The following TACC2 variants were observed in gnomAD, a reference collection of about 807,000 sequenced individuals.
TACC2 encodes transforming acidic coiled-coil-containing protein 2.
TACC2 carries 137 observed loss-of-function variants against 227.3 expected under a neutral mutation model. That is an observed-to-expected ratio of 0.60 (90% CI 0.52 to 0.69). TACC2 has a LOEUF of 0.69. Ranked by LOEUF, TACC2 falls within the 30% of genes least tolerant of loss-of-function variation. TACC2 has a pLI of 0.00. For synonymous variants in TACC2, 1,523 were observed against 1,487.5 expected (o/e 1.02, Z -0.55); for missense variants, 3,470 against 3,694.4 (o/e 0.94, Z 1.57).
At position 121,989,753 on chromosome 10, in the gene TACC2, TA is replaced by T. The variant is rs747007509; in HGVS notation, c.-46+266del. Among the ~76,000 whole-genome samples, 874 of 104,846 alleles carry T rather than the reference TA, an allele frequency of 8.3e-3. 10 individuals carry two copies. Among genetic ancestry groups the T allele is most frequent in the African/African-American group, 0.023 (769 of 33,878 alleles). 68.8% of individuals were successfully genotyped at this position (104,846 alleles called of 152,430 possible). A position where few individuals can be genotyped will look rare whatever the true frequency, so the allele number is the denominator to read the frequency against. ...TTATTTTTATTTTTTAAATTAATTT[TA>T]TTTTTTTTTTTTATGTTTTTAGAGA... On this transcript the variant is annotated intron_variant, in intron 1 of 22. Transcript: ENST00000369005.
In TACC2 at chr10:122,087,028, C is replaced by G. The variant is rs763323058; in HGVS notation, c.4528C>G (p.Pro1510Ala). The G allele has an allele frequency of 2.5e-6, 4 of 1,613,842 alleles. No individual in the cohort carries two copies. The South Asian group carries it at 3.3e-5, about 13-fold the overall frequency. ...AGGGCTGACCTGGGAGCGGAACTTG[C>G]CAGGTGCCGGTGTGGGGAAGGAGAT... ...PAGLTWERNL[P>A]GAGVGKEMAG... Residue 1510 changes from proline (P) to alanine (A), a missense_variant, in exon 4 of 23, where the codon CCA (proline) becomes GCA (alanine). By Grantham distance (27) the Pro-to-Ala change is conservative (BLOSUM62 -1). Coordinates refer to ENST00000369005, the MANE Select transcript of TACC2 (RefSeq NM_206862.4).
intron 6 of TACC2, among the ~76,000 whole-genome samples, chr10:122,135,585 G>T (rs2138975334): frequency 6.6e-6 from 1 of 152,254 alleles, no homozygotes; most frequent in Middle Eastern, 3.4e-3. Flanking sequence ...TGGTGGAAAA[G>T]AGATAGTTCT....
intron 18 of TACC2, among the ~76,000 whole-genome samples, chr10:122,240,954 A>G (rs1256157325): frequency 6.6e-6 from 1 of 152,092 alleles, no homozygotes; most frequent in Admixed American, 6.6e-5. Flanking sequence ...AGGAGATGAG[A>G]TTTGTGTTCA....
At chr10:122,199,137 G>T (rs372514665) in intron 8 of TACC2, among the ~76,000 whole-genome samples, 2 of 152,230 alleles carry the variant, frequency 1.3e-5, no homozygotes, top group South Asian at 4.1e-4. Flanking sequence ...TGTGCCCTGC[G>T]TGCCTATACC....
chr10:122,162,386 C>G (rs2092872666), intron 7 of TACC2, among the ~76,000 whole-genome samples: 1 of 152,190 alleles, frequency 6.6e-6, no homozygotes, highest in African/African-American at 2.4e-5. Flanking sequence ...TTTTCTTTTG[C>G]TTTTGGCCAC....
intron 5 of TACC2, among the ~76,000 whole-genome samples, chr10:122,125,946 T>G (rs2086764256): frequency 6.6e-6 from 1 of 151,984 alleles, no homozygotes; most frequent in South Asian, 2.1e-4. Context: ...CCAACTAATT[T>G]TTTTGTATTT....
intron 7 of TACC2, among the ~76,000 whole-genome samples, chr10:122,168,426 G>C (rs1160942660): frequency 6.6e-6 from 1 of 152,120 alleles, no homozygotes; most frequent in African/African-American, 2.4e-5. Flanking sequence ...ATTCCCAAAG[G>C]AAGCTTGGGT....
chr10:122,149,272 C>T (rs2091772367), intron 7 of TACC2, among the ~76,000 whole-genome samples: 2 of 152,170 alleles, frequency 1.3e-5, no homozygotes, highest in African/African-American at 4.8e-5. Context: ...CAGCTGTCCC[C>T]TAGGAATTGG....
intron 3 of TACC2, chr10:122,051,630 C>G (rs1353871480): frequency 6.6e-6 from 1 of 152,098 alleles, no homozygotes; most frequent in Non-Finnish European, 1.5e-5. Context: ...TCATGACAGG[C>G]CTTAAGGGAA....
intron 5 of TACC2, among the ~76,000 whole-genome samples, chr10:122,095,027 C>T (rs1411866178): frequency 6.6e-6 from 1 of 152,078 alleles, no homozygotes; most frequent in African/African-American, 2.4e-5. Flanking sequence ...TATTGAGCTC[C>T]CCCCCACCAC....
intron 5 of TACC2, among the ~76,000 whole-genome samples, chr10:122,117,360 A>G (rs919113811): frequency 2.0e-5 from 3 of 151,462 alleles, no homozygotes; most frequent in Non-Finnish European, 2.9e-5. Context: ...TGCCCGGCTA[A>G]TTTTTTGTAT....
chr10:122,125,016 C>T (rs1175281553), intron 5 of TACC2, among the ~76,000 whole-genome samples: 4 of 151,166 alleles, frequency 2.6e-5, no homozygotes, highest in Non-Finnish European at 4.4e-5. Flanking sequence ...ACGAAGCCAG[C>T]GCAGCCCTGC....
rs769922555 is a variant in TACC2 at position 122,210,946 on chromosome 10, A to G, written c.6521A>G (p.Lys2174Arg). 1 of 1,613,922 alleles carries G rather than the reference A, an allele frequency of 6.2e-7. No homozygotes were observed. Among genetic ancestry groups the G allele is most frequent in the Non-Finnish European group, 8.5e-7 (1 of 1,179,996 alleles). Residue 2174 changes from lysine (K) to arginine (R), a missense_variant, in exon 9 of 23, where the codon AAA becomes AGA. By Grantham distance (26) the Lys-to-Arg change is conservative (BLOSUM62 2). Transcript: ENST00000369005. The surrounding 1 kb of genome is among the most constrained non-coding windows in gnomAD (Gnocchi z 4.6). Reference protein sequence around the residue: ...PSGENLASETKTESAKTEGPS... With the variant: ...PSGENLASETRTESAKTEGPS... ...GGGGAGAATCTAGCATCTGAGACGA[A>G]AACGGAATCTGCCAAGACGGAAGGT...
intron 7 of TACC2, among the ~76,000 whole-genome samples, chr10:122,173,782 A>G (rs2093587246): frequency 6.6e-6 from 1 of 152,248 alleles, no homozygotes; most frequent in Non-Finnish European, 1.5e-5. Context: ...CTTCCTGCCC[A>G]GCCTTTCTGG....
intron 1 of TACC2, among the ~76,000 whole-genome samples, chr10:121,991,370 G>A (rs536453189): frequency 2.0e-5 from 3 of 152,074 alleles, no homozygotes; most frequent in Non-Finnish European, 4.4e-5. Context: ...TTTTCTTTGC[G>A]CTGTCCGCCA....
In TACC2 at chr10:122,249,163, T is replaced by G; in HGVS notation, c.8660+7T>G. Reference sequence around the variant, plus strand: ...CGGAGGAGAAACTGGACAGGTAACATTTAGCCACTGGGGGTGGCTCCCAGG... The same window carrying G: ...CGGAGGAGAAACTGGACAGGTAACAGTTAGCCACTGGGGGTGGCTCCCAGG... On this transcript the variant is annotated splice_region_variant and intron_variant, in intron 21 of 22. Coordinates refer to ENST00000369005, the MANE Select transcript of TACC2 (RefSeq NM_206862.4). 1 of 1,602,860 alleles carries G rather than the reference T, an allele frequency of 6.2e-7. No individual in the cohort carries two copies. The highest frequency in any genetic ancestry group is 8.5e-7 in the Non-Finnish European group (1 of 1,174,860).
At chr10:122,049,365 T>G (rs1255975294) in intron 2 of TACC2, among the ~76,000 whole-genome samples, 1 of 152,230 alleles carries the variant, frequency 6.6e-6, no homozygotes. Flanking sequence ...ACTTCCCGAC[T>G]CACCTTCTAT....
rs1289355883 is a variant in TACC2 at position 122,180,389 on chromosome 10, G to C, written c.5835-14651G>C. ...GTCTGGCTTTGTCGCCCAGGCTGGA[G>C]TGCAGTGGCGCAATTTCAGCTCACT... On this transcript the variant is annotated intron_variant, in intron 7 of 22. Coordinates refer to ENST00000369005, the MANE Select transcript of TACC2 (RefSeq NM_206862.4). The surrounding 1 kb of genome is among the most constrained non-coding windows in gnomAD (Gnocchi z 4.5). 1.3e-5 allele frequency among the ~76,000 whole-genome samples: 2 copies of C among 149,536 alleles called. No individual in the cohort carries two copies. Among genetic ancestry groups the C allele is most frequent in the Non-Finnish European group, 3.0e-5 (2 of 67,576 alleles).
rs371850863 is a variant in TACC2 at position 122,211,094 on chromosome 10, G to A, written c.6669G>A (p.Val2223=). Reference sequence around the variant, plus strand: ...CCCCGGCTTCTGGAGGTGGCAGAGTGCAGAACTCACCCCCTGTCGGGAGGA... The same window carrying A: ...CCCCGGCTTCTGGAGGTGGCAGAGTACAGAACTCACCCCCTGTCGGGAGGA... ...VVPPASGGGR[V]QNSPPVGRKT... is the part of the protein sequence containing the mutation. Residue 2223 remains valine, a synonymous_variant, in exon 9 of 23, where the codon GTG becomes GTA. Transcript: ENST00000369005. 280 of 1,612,662 alleles carry A rather than the reference G, an allele frequency of 1.7e-4. No homozygotes were observed. The highest frequency in any genetic ancestry group is 2.3e-4 in the Non-Finnish European group (275 of 1,179,462).
Sources: allele counts gnomAD v4.1 joint callset (sites outside exome capture counted in the v4.1 genomes callset), GRCh38; gene constraint gnomAD v4.1.1; non-coding constraint Gnocchi (gnomAD v3.1); transcripts MANE v1.5; gene names NCBI Gene and HGNC (gene_info 2026-07-23, HGNC 2026-07-21).